Variants in LRRC37A2 observed in about 807,000 individuals in gnomAD.
The protein encoded by LRRC37A2 is leucine-rich repeat-containing protein 37A2.
Under a neutral mutation model 68.8 loss-of-function variants are expected in LRRC37A2, and 9 were observed. That is an observed-to-expected ratio of 0.13 (90% CI 0.08 to 0.23). The LOEUF (loss-of-function observed/expected upper bound fraction) is 0.23, where lower values mean the gene tolerates loss of function less well. LRRC37A2 is among the 10% of genes least tolerant of loss of function. LRRC37A2 has a pLI of 1.00. For synonymous variants in LRRC37A2, 63 were observed against 367.6 expected, an observed-to-expected ratio of 0.17 and a Z score of 9.48; for missense variants, 168 against 950.4, an observed-to-expected ratio of 0.18 and a Z score of 10.82.
the LRRC37A2 span, among the ~76,000 whole-genome samples, chr17:47,041,387 A>ATTTTTT: frequency 7.2e-5 from 1 of 13,874 alleles, no homozygotes; most frequent in African/African-American, 3.3e-4. Flanking sequence ...ATTATGGTCA[A>ATTTTTT]TTTTTTTTTT....
chr17:46,825,654 TTTGGCCTGCAAGGAAC>T, the LRRC37A2 span, among the ~76,000 whole-genome samples: 2 of 152,244 alleles, frequency 1.3e-5, no homozygotes, highest in Non-Finnish European at 2.9e-5. Context: ...CAGCCCAGGT[TTTGGCCTGCAAGGAAC>T]TTGCCATCTG....
the LRRC37A2 span, among the ~76,000 whole-genome samples, chr17:46,778,551 C>T: frequency 1.3e-5 from 2 of 152,090 alleles, no homozygotes; most frequent in Admixed American, 1.3e-4. Flanking sequence ...CTCCTGCCCG[C>T]ACACTGCTGA....
At chr17:47,030,915 T>C in the LRRC37A2 span, among the ~76,000 whole-genome samples, 4 of 152,080 alleles carry the variant, frequency 2.6e-5, no homozygotes, top group South Asian at 2.1e-4. Context: ...GGTTGATCGA[T>C]GATGAATTGA....
chr17:46,974,595 G>A, the LRRC37A2 span, among the ~76,000 whole-genome samples: 1,563 of 152,258 alleles, frequency 0.01, 31 homozygotes, highest in African/African-American at 0.036. Context: ...TTAGCTGGGC[G>A]TGGTGGCGGG....
At chr17:46,776,681 G>A in the LRRC37A2 span, among the ~76,000 whole-genome samples, 2 of 152,108 alleles carry the variant, frequency 1.3e-5, no homozygotes, top group South Asian at 4.1e-4. Flanking sequence ...AGGGGAAACT[G>A]AGGGAGAGTT....
At chr17:46,976,025 C>T in the LRRC37A2 span, among the ~76,000 whole-genome samples, 208 of 152,124 alleles carry the variant, frequency 1.4e-3, no homozygotes, top group African/African-American at 4.8e-3. Flanking sequence ...CTCCCGGGTT[C>T]ACGCCATTCT....
intron 8 of LRRC37A2, among the ~76,000 whole-genome samples, chr17:46,541,614 G>A (rs1434876851): frequency 6.6e-6 from 1 of 150,826 alleles, no homozygotes; most frequent in African/African-American, 2.5e-5. Context: ...TATCACTACA[G>A]CTGGCCCTCC....
the LRRC37A2 span, among the ~76,000 whole-genome samples, chr17:46,809,642 CCT>C: frequency 1.6e-4 from 24 of 152,248 alleles, no homozygotes; most frequent in Admixed American, 1.2e-3. Flanking sequence ...CCCTCGCCCC[CCT>C]CACCTCCACC....
At chr17:46,813,408 T>G in the LRRC37A2 span, among the ~76,000 whole-genome samples, 3 of 147,598 alleles carry the variant, frequency 2.0e-5, no homozygotes, top group Non-Finnish European at 4.5e-5. Context: ...CTCTCACCAT[T>G]TTCCAGCATA....
chr17:46,720,946 C>A, the LRRC37A2 span, among the ~76,000 whole-genome samples: 1 of 152,186 alleles, frequency 6.6e-6, no homozygotes, highest in Non-Finnish European at 1.5e-5. Context: ...CTCCCATTTG[C>A]ACTTGTGTAG....
chr17:46,961,382 A>C, the LRRC37A2 span, among the ~76,000 whole-genome samples: 1 of 152,148 alleles, frequency 6.6e-6, no homozygotes, highest in Non-Finnish European at 1.5e-5. Flanking sequence ...TACAAAAAAC[A>C]AAATAACTGG....
the LRRC37A2 span, among the ~76,000 whole-genome samples, chr17:46,489,984 A>G: frequency 1.3e-5 from 2 of 150,632 alleles, no homozygotes; most frequent in African/African-American, 2.5e-5. Flanking sequence ...TTTCCTGGCC[A>G]AGTGGTGGAA....
At chr17:46,500,950 C>T in the LRRC37A2 span, among the ~76,000 whole-genome samples, 2 of 151,110 alleles carry the variant, frequency 1.3e-5, no homozygotes, top group Non-Finnish European at 1.5e-5. Context: ...GAGGCTGAAG[C>T]GGGTGGATCA....
the LRRC37A2 span, chr17:47,018,198 T>A: frequency 6.2e-7 from 1 of 1,610,244 alleles, no homozygotes; most frequent in Non-Finnish European, 8.5e-7. Flanking sequence ...GGTGGAACCT[T>A]CTGCAACCCA....
the LRRC37A2 span, among the ~76,000 whole-genome samples, chr17:46,823,566 A>G: frequency 1.3e-5 from 2 of 152,076 alleles, no homozygotes; most frequent in East Asian, 3.9e-4. Context: ...CCGCCGCTCA[A>G]GTAGCTGGGA....
At chr17:46,883,429 CGCCTACCCCACGCCCG>C in the LRRC37A2 span, among the ~76,000 whole-genome samples, 8 of 150,734 alleles carry the variant, frequency 5.3e-5, no homozygotes, top group Non-Finnish European at 8.8e-5. Context: ...GGATTACAGG[CGCCTACCCCACGCCCG>C]GCCTTATTTT....
chr17:46,757,727 G>A, the LRRC37A2 span, among the ~76,000 whole-genome samples: 872 of 151,802 alleles, frequency 5.7e-3, 2 homozygotes, highest in Middle Eastern at 0.034. Flanking sequence ...TGCCTGGCAC[G>A]GTGGCTCATG....
the LRRC37A2 span, among the ~76,000 whole-genome samples, chr17:46,609,146 G>T: frequency 3.4e-5 from 5 of 147,592 alleles, no homozygotes; most frequent in African/African-American, 1.3e-4. Flanking sequence ...CTAGGAGCGG[G>T]CAGTATGGGA....
At chr17:46,605,378 G>A in the LRRC37A2 span, among the ~76,000 whole-genome samples, 6 of 131,090 alleles carry the variant, frequency 4.6e-5, no homozygotes, top group African/African-American at 1.7e-4. Context: ...AACCTGGGAG[G>A]TGGAGGTTGC....
Sources: gnomAD v4.1 joint callset for allele counts (sites outside exome capture counted in the v4.1 genomes callset) on GRCh38, gnomAD v4.1.1 for gene constraint, MANE v1.5 for transcripts, NCBI Gene and HGNC (gene_info 2026-07-23, HGNC 2026-07-21) for gene names.